Variants in ADPRHL1 observed in about 807,000 individuals in gnomAD.
ADPRHL1 encodes inactive ADP-ribosyltransferase ARH2.
A neutral mutation model predicts 44.1 loss-of-function variants in ADPRHL1; 43 were observed. The observed-to-expected ratio is 0.98, with a 90% CI of 0.76 to 1.26. The LOEUF is 1.26. ADPRHL1 is among the 50% of genes most tolerant of loss of function. The pLI, the probability that ADPRHL1 is intolerant of heterozygous loss-of-function variation, is 0.00. For missense variants in ADPRHL1, 2,022 were observed against 2,496.9 expected, an observed-to-expected ratio of 0.81 and a Z score of 4.05; for synonymous variants, 878 against 1,017.4, an observed-to-expected ratio of 0.86 and a Z score of 2.61.
At position 113,425,167 on chromosome 13, in the gene ADPRHL1, T is replaced by C; in HGVS notation, c.659A>G (p.His220Arg). 1.9e-6 allele frequency: 3 copies of C among 1,599,990 alleles called. No individual in the cohort carries two copies. Among genetic ancestry groups the C allele is most frequent in the Non-Finnish European group, 2.6e-6 (3 of 1,172,056 alleles). ...CCATTTAGCTTCAAAGTAAAACCAGTGCTCCTGGTATTCTAAACATAAAGA... is the reference window on the plus strand; with the variant it reads ...CCATTTAGCTTCAAAGTAAAACCAGCGCTCCTGGTATTCTAAACATAAAGA... ...TIRHTAEYQE[H>R]WFYFEAKWQF... is the part of the protein sequence containing the mutation. Residue 220 changes from histidine to arginine, a missense_variant, in exon 5 of 8, where the codon CAC becomes CGC. Around this residue, in one of 8 missense-constraint regions of ADPRHL1, gnomAD observed 437 missense variants for 430.7 expected, o/e 1.01. Coordinates refer to ENST00000612156, the MANE Select transcript of ADPRHL1 (RefSeq NM_001394807.1).
intron 1 of ADPRHL1, among the ~76,000 whole-genome samples, 191 bp from the exon 2 acceptor site, chr13:113,444,780 G>A (rs1173557493): frequency 3.9e-5 from 6 of 152,048 alleles, no homozygotes; most frequent in Non-Finnish European, 7.4e-5. Flanking sequence ...CCACCACCAC[G>A]CCCGGCTAAT....
chr13:113,442,240 G>C (rs541917413), intron 2 of ADPRHL1, among the ~76,000 whole-genome samples: 1 of 152,316 alleles, frequency 6.6e-6, no homozygotes, highest in African/African-American at 2.4e-5. Context: ...GGGTTGTTGA[G>C]GCCCAGGAGT....
chr13:113,452,265 C>G (rs879476134), intron 1 of ADPRHL1, among the ~76,000 whole-genome samples: 2 of 152,164 alleles, frequency 1.3e-5, no homozygotes, highest in Admixed American at 1.3e-4. Flanking sequence ...GACGCCTCCC[C>G]GTCTCCAGCA....
Position 113,405,889 on chromosome 13 carries a change from G to C in ADPRHL1, c.3393C>G (p.Gly1131=). 2 of 1,232,014 alleles carry C rather than the reference G, an allele frequency of 1.6e-6. No homozygotes were observed. Among genetic ancestry groups the C allele is most frequent in the South Asian group, 8.2e-5 (2 of 24,326 alleles). 76.3% of individuals were successfully genotyped at this position (1,232,014 alleles called of 1,614,324 possible). A position where few individuals can be genotyped will look rare whatever the true frequency, so the allele number is the denominator to read the frequency against. ...ASRATPAPAP[G]STQSPGDRTA... is the part of the protein sequence containing the mutation. ...TGCGGTCTCCAGGGCTCTGGGTGCT[G>C]CCTGGCGCTGGTGCAGGCGTGGCGC... is the stretch of plus-strand genomic sequence containing the variant. The change falls in exon 8 of 8, where the codon GGC becomes GGG. Residue 1131 remains glycine, a synonymous_variant. Transcript: ENST00000612156.
intron 1 of ADPRHL1, chr13:113,448,985 G>GCACA: frequency 1.0e-6 from 1 of 984,278 alleles, no homozygotes; most frequent in Admixed American, 6.1e-5. Context: ...CCCAGGCCTG[G>GCACA]CACACACACA....
rs1411365465 is a variant in ADPRHL1, at chr13:113,401,927, G to C, written c.*1451C>G. ...CGCGCCTGCTGAACGCCCTCTCAGG[G>C]CCGACACTGGAAAACACCTTCCTCT... On this transcript the variant is annotated 3_prime_UTR_variant, in exon 8 of 8. Transcript: ENST00000612156. The surrounding 1 kb of genome is among the most constrained non-coding windows in gnomAD (Gnocchi z 5.5). 4 of 152,296 alleles carry C rather than the reference G, an allele frequency of 2.6e-5. No homozygotes were observed. Among genetic ancestry groups the C allele is most frequent in the African/African-American group, 9.6e-5 (4 of 41,476 alleles). 9.4% of individuals were successfully genotyped at this position (152,296 alleles called of 1,614,324 possible). A position where few individuals can be genotyped will look rare whatever the true frequency, so the allele number is the denominator to read the frequency against.
intron 7 of ADPRHL1, among the ~76,000 whole-genome samples, chr13:113,418,971 C>T (rs111311153): frequency 1.1e-4 from 4 of 38,046 alleles, no homozygotes; most frequent in African/African-American, 9.8e-5. Context: ...ATAATGTGCC[C>T]TCTTTTCCTT....
Position 113,407,293 on chromosome 13 carries a change from C to A in ADPRHL1, c.1989G>T (p.Gly663=), listed in dbSNP as rs545644999. The part of the protein sequence containing the change: ...ASVPPSARET[G]PSGNKAVGKG... ...TTCCCACTGCTTTGTTCCCACTGGG[C>A]CCCGTCTCCCTGGCACTAGGGGGCA... is the stretch of plus-strand genomic sequence containing the variant. The change falls in exon 8 of 8, where the codon GGG becomes GGT. Residue 663 remains glycine (G), a synonymous_variant. Transcript: ENST00000612156. The A allele has an allele frequency of 8.1e-7, 1 of 1,232,066 alleles. No individual in the cohort carries two copies. Among genetic ancestry groups the A allele is most frequent in the Non-Finnish European group, 1.0e-6 (1 of 988,060 alleles). 76.3% of individuals were successfully genotyped at this position (1,232,066 alleles called of 1,614,324 possible).
At position 113,406,186 on chromosome 13, in the gene ADPRHL1, C is replaced by T. The variant is rs1165537611; in HGVS notation, c.3096G>A (p.Gly1032=). 4 of 1,232,182 alleles carry T rather than the reference C, an allele frequency of 3.2e-6. No homozygotes were observed. The highest frequency in any genetic ancestry group is 4.0e-6 in the Non-Finnish European group (4 of 988,018). 76.3% of individuals were successfully genotyped at this position (1,232,182 alleles called of 1,614,324 possible). A position where few individuals can be genotyped will look rare whatever the true frequency, so the allele number is the denominator to read the frequency against. The change falls in exon 8 of 8, where the codon GGG becomes GGA. Residue 1032 remains glycine (G), a synonymous_variant. Transcript: ENST00000612156. ...SSSQQVPSPT[G]RNPTGAPTSL... ...ACGTGGGGGCTCCTGTTGGGTTTCTCCCAGTCGGGGACGGCACTTGCTGGC... is the reference window on the plus strand; with the variant it reads ...ACGTGGGGGCTCCTGTTGGGTTTCTTCCAGTCGGGGACGGCACTTGCTGGC...
At chr13:113,417,248 T>C (rs1274883516) in intron 7 of ADPRHL1, among the ~76,000 whole-genome samples, 2 of 152,178 alleles carry the variant, frequency 1.3e-5, no homozygotes, top group African/African-American at 2.4e-5. Context: ...AGGCTGGTCA[T>C]GGTCCCCGCC....
intron 3 of ADPRHL1, 92 bp downstream of exon 3, chr13:113,433,649 CG>C: frequency 1.4e-6 from 2 of 1,445,970 alleles, no homozygotes; most frequent in Non-Finnish European, 1.8e-6. Flanking sequence ...TCCAGGCCCC[CG>C]CCCCCCACCC....
chr13:113,448,998 C>A, intron 1 of ADPRHL1: 6 of 986,370 alleles, frequency 6.1e-6, no homozygotes, highest in Non-Finnish European at 6.0e-6. Context: ...CACACACACA[C>A]CTGCTAAACG....
rs1240174910 is a variant in ADPRHL1 at position 113,409,492 on chromosome 13, C to T, written c.1062-1272G>A. Reference sequence around the variant, plus strand: ...CCTCGATGTCCAACTCCAGGGCGGCCGCACAATGGCACGTCCACATTTGTG... The same window carrying T: ...CCTCGATGTCCAACTCCAGGGCGGCTGCACAATGGCACGTCCACATTTGTG... On this transcript the variant is annotated intron_variant, in intron 7 of 7. Coordinates refer to ENST00000612156, the MANE Select transcript of ADPRHL1 (RefSeq NM_001394807.1). This position sits in a 1 kb window ranked among gnomAD's most constrained non-coding sequence, Gnocchi z 4.2. 3.0e-5 allele frequency: 30 copies of T among 985,326 alleles called. No homozygotes were observed. Among genetic ancestry groups the T allele is most frequent in the South Asian group, 4.7e-5 (1 of 21,288 alleles). The allele number at this position is 985,326 out of a possible 1,614,324, so 61.0% of individuals were successfully genotyped here.
intron 4 of ADPRHL1, among the ~76,000 whole-genome samples, chr13:113,425,592 G>A (rs1182855854): frequency 2.6e-5 from 4 of 151,792 alleles, no homozygotes; most frequent in Non-Finnish European, 4.4e-5. Context: ...GGCTGATCTC[G>A]AACTCCTGAC....
rs1379714585 is a variant in ADPRHL1, at chr13:113,403,483, G to C, written c.5799C>G (p.His1933Gln). Residue 1933 changes from histidine to glutamine, a missense_variant, in exon 8 of 8, where the codon CAC becomes CAG. His to Gln is a conservative substitution (Grantham distance 24). Around this residue, in one of 8 missense-constraint regions of ADPRHL1, gnomAD observed 205 missense variants for 250.1 expected, o/e 0.82. Coordinates refer to ENST00000612156, the MANE Select transcript of ADPRHL1 (RefSeq NM_001394807.1). ...AGCTCTGGGCTTTGTACTTGGCCAG[G>C]TGCCTGGACCTCCCGCGACGCTCGG... ...SEPERRGRSR[H>Q]LAKYKAQSFR... 1 of 1,231,950 alleles carries C rather than the reference G, an allele frequency of 8.1e-7. No individual in the cohort carries two copies. Among genetic ancestry groups the C allele is most frequent in the African/African-American group, 1.6e-5 (1 of 64,372 alleles). 76.3% of individuals were successfully genotyped at this position (1,231,950 alleles called of 1,614,324 possible).
chr13:113,430,715 T>TAGTGGTGGGGGTGGCAGTGGCACC, intron 3 of ADPRHL1, among the ~76,000 whole-genome samples: 1 of 150,314 alleles, frequency 6.7e-6, no homozygotes, highest in Non-Finnish European at 1.5e-5. Context: ...GGGGTGGCAC[T>TAGTGGTGGGGGTGGCAGTGGCACC]AGTGGCGGGG....
At chr13:113,435,091 T>A (rs12872424) in intron 2 of ADPRHL1, among the ~76,000 whole-genome samples, 11 of 76,336 alleles carry the variant, frequency 1.4e-4, no homozygotes, top group Admixed American at 5.4e-4. Flanking sequence ...AGGTGTACCC[T>A]GGGACCCAGC....
At chr13:113,448,079 G>A (rs1249615686) in intron 1 of ADPRHL1, among the ~76,000 whole-genome samples, 3 of 152,300 alleles carry the variant, frequency 2.0e-5, no homozygotes, top group Non-Finnish European at 4.4e-5. Flanking sequence ...GAATTTAAGC[G>A]AGAAACAGAT....
In ADPRHL1 at chr13:113,405,379, G is replaced by T. The variant is rs941423956; in HGVS notation, c.3903C>A (p.Gly1301=). ...PENPQAKGRE[G]VRFPRGAEPD... is the part of the protein sequence containing the mutation. ...GCTCCGCCCCACGGGGAAACCTGAC[G>T]CCCTCCCTGCCCTTTGCCTGTGGGT... The change falls in exon 8 of 8, where the codon GGC becomes GGA. Residue 1301 remains glycine, a synonymous_variant. Coordinates refer to ENST00000612156, the MANE Select transcript of ADPRHL1 (RefSeq NM_001394807.1). 1.6e-6 allele frequency: 2 copies of T among 1,231,876 alleles called. No homozygotes were observed. The highest frequency in any genetic ancestry group is 2.0e-6 in the Non-Finnish European group (2 of 988,054). The allele number at this position is 1,231,876 out of a possible 1,614,324, so 76.3% of individuals were successfully genotyped here.
Sources: gnomAD v4.1 joint callset for allele counts (sites outside exome capture counted in the v4.1 genomes callset) on GRCh38, gnomAD v4.1.1 for gene constraint, gnomAD v4.1.1 regional missense constraint, Gnocchi (gnomAD v3.1) non-coding constraint, MANE v1.5 for transcripts, NCBI Gene and HGNC (gene_info 2026-07-23, HGNC 2026-07-21) for gene names.